Variants in C22orf39 observed in about 807,000 individuals in gnomAD.
The protein encoded by C22orf39 is synaptic plasticity regulator PANTS.
A neutral mutation model predicts 18.3 loss-of-function variants in C22orf39; 20 were observed. That is an observed-to-expected ratio of 1.09 (90% CI 0.77 to 1.59). The LOEUF (loss-of-function observed/expected upper bound fraction) is 1.59. Among genes scored for constraint, C22orf39 ranks in the 40% most tolerant of loss-of-function variants. The pLI, the probability that C22orf39 is intolerant of heterozygous loss-of-function variation, is 0.00. For missense variants in C22orf39, 195 were observed against 156.1 expected (o/e 1.25, Z -1.33); for synonymous variants, 63 against 59.6 (o/e 1.06, Z -0.26).
chr22:19,441,586 T>TG lies in C22orf39; in HGVS notation c.*2678dup. 1 of 771,154 alleles carries TG rather than the reference T, an allele frequency of 1.3e-6. No individual in the cohort carries two copies. The highest frequency in any genetic ancestry group is 2.2e-6 in the Non-Finnish European group (1 of 446,868). 47.8% of individuals were successfully genotyped at this position (771,154 alleles called of 1,614,324 possible). On this transcript the variant is annotated 3_prime_UTR_variant, in exon 3 of 3. Transcript: ENST00000399562. ...CTCTGTTGCCCAGGCTGGAGTGCAG[T>TG]GGCACGATCATAGCTGACTGCAACC...
At position 19,444,366 on chromosome 22, in the gene C22orf39, C is replaced by T; in HGVS notation, c.217G>A (p.Ala73Thr). 1 of 1,601,152 alleles carries T rather than the reference C, an allele frequency of 6.2e-7. No homozygotes were observed. Among genetic ancestry groups the T allele is most frequent in the Non-Finnish European group, 8.5e-7 (1 of 1,175,636 alleles). Reference protein sequence around the residue: ...AQQSLCESERARVRAARKHIL... With the variant: ...AQQSLCESERTRVRAARKHIL... ...TGCTTCCGTGCAGCCCGGACTCGTG[C>T]CCGCTCGCTCTCACAGAGGGATTGC... Residue 73 changes from alanine (A) to threonine (T), a missense_variant, in exon 3 of 3, where the codon GCA becomes ACA. Ala to Thr is a moderately conservative substitution (Grantham distance 58, BLOSUM62 0). Coordinates refer to ENST00000399562, the MANE Select transcript of C22orf39 (RefSeq NM_173793.5).
intron 2 of C22orf39, among the ~76,000 whole-genome samples, chr22:19,445,066 T>A (rs536591775): frequency 6.6e-6 from 1 of 152,322 alleles, no homozygotes; most frequent in South Asian, 2.1e-4. Flanking sequence ...ATGTCTGTCT[T>A]TGTTCAAGCT....
chr22:19,447,671 G>T lies in C22orf39; in HGVS notation c.18C>A (p.Gly6=). Residue 6 remains glycine, a synonymous_variant, in exon 1 of 3, where the codon GGC becomes GGA. Transcript: ENST00000399562. ...TCCGACCCAGCACACTCACCTGCCA[G>T]CCGCTGCCGTCCGCCATGTCTGGGC... The part of the protein sequence containing the change: MADGS[G]WQPPRPCEAY... 1 of 1,611,060 alleles carries T rather than the reference G, an allele frequency of 6.2e-7. No homozygotes were observed. Among genetic ancestry groups the T allele is most frequent in the Admixed American group, 1.7e-5 (1 of 59,922 alleles).
At chr22:19,445,883 A>C (rs2089636839) in intron 2 of C22orf39, among the ~76,000 whole-genome samples, 1 of 152,126 alleles carries the variant, frequency 6.6e-6, no homozygotes, top group South Asian at 2.1e-4. Flanking sequence ...CCATGTTGCC[A>C]GGCTGGTCTC....
chr22:19,447,649 G>T lies in C22orf39; in HGVS notation c.24+16C>A, dbSNP rs772402299. The stretch of plus-strand genomic sequence containing the variant: ...GAAGACCCCGGTGGTTCCCGGCTCC[G>T]ACCCAGCACACTCACCTGCCAGCCG... On this transcript the variant is annotated intron_variant, in intron 1 of 2. Transcript: ENST00000399562. 3.1e-6 allele frequency: 5 copies of T among 1,609,256 alleles called. No individual in the cohort carries two copies. The East Asian group carries it at 6.7e-5, about 22-fold the overall frequency.
chr22:19,445,741 C>T (rs908280505), intron 2 of C22orf39, among the ~76,000 whole-genome samples: 2 of 152,092 alleles, frequency 1.3e-5, no homozygotes, highest in Non-Finnish European at 2.9e-5. Context: ...GTGACACGAT[C>T]TCGGCTCATT....
chr22:19,441,607 C>G lies in C22orf39; in HGVS notation c.*2658G>C, dbSNP rs1474078039. The G allele has an allele frequency of 1.0e-6, 1 of 1,002,350 alleles. No individual in the cohort carries two copies. The highest frequency in any genetic ancestry group is 1.5e-6 in the Non-Finnish European group (1 of 654,576). The allele number at this position is 1,002,350 out of a possible 1,614,324, so 62.1% of individuals were successfully genotyped here. On this transcript the variant is annotated 3_prime_UTR_variant, in exon 3 of 3. Coordinates refer to ENST00000399562, the MANE Select transcript of C22orf39 (RefSeq NM_173793.5). ...GCAGTGGCACGATCATAGCTGACTG[C>G]AACCTCAAACTCCTATCCTCAAGTG...
Position 19,441,640 on chromosome 22 carries a change from TGCC to T in C22orf39, c.*2622_*2624del. 7.4e-7 allele frequency: 1 copy of T among 1,349,614 alleles called. No individual in the cohort carries two copies. The highest frequency in any genetic ancestry group is 1.0e-6 in the Non-Finnish European group (1 of 967,422). 83.6% of individuals were successfully genotyped at this position (1,349,614 alleles called of 1,614,324 possible). On this transcript the variant is annotated 3_prime_UTR_variant, in exon 3 of 3. Transcript: ENST00000399562. The stretch of plus-strand genomic sequence containing the variant: ...AACTCCTATCCTCAAGTGATTCTTC[TGCC>T]TCAGCCTCCCAAGTAGCTGAGATTA...
chr22:19,444,065 G>C lies in C22orf39; in HGVS notation c.*200C>G. ...TCTAAAGCGGTGCAATTGTCCTGCA[G>C]AACATCGCAGTGTCAGGGTATCCTG... On this transcript the variant is annotated 3_prime_UTR_variant, in exon 3 of 3. Transcript: ENST00000399562. The C allele has an allele frequency of 7.6e-7, 1 of 1,319,468 alleles. No individual in the cohort carries two copies. The highest frequency in any genetic ancestry group is 9.6e-7 in the Non-Finnish European group (1 of 1,041,010). 81.7% of individuals were successfully genotyped at this position (1,319,468 alleles called of 1,614,324 possible).
At position 19,447,600 on chromosome 22, in the gene C22orf39, AGCCAGTCCCGTTCCCTCCCTCCG is replaced by A. The variant is rs1413027971; in HGVS notation, c.24+42_25-56del. 1.1e-5 allele frequency: 18 copies of A among 1,568,622 alleles called. No individual in the cohort carries two copies. In the East Asian group the frequency reaches 4.1e-4, roughly 36 times the overall value. On this transcript the variant is annotated intron_variant, in intron 1 of 2. Transcript: ENST00000399562. ...CCCGGCGGCCGCGCCCTACGCCCCG[AGCCAGTCCCGTTCCCTCCCTCCG>A]GAAGACCCCGGTGGTTCCCGGCTCC...
In C22orf39 at chr22:19,447,647, C is replaced by G. The variant is rs201607004; in HGVS notation, c.24+18G>C. On this transcript the variant is annotated intron_variant, in intron 1 of 2. Transcript: ENST00000399562. ...CGGAAGACCCCGGTGGTTCCCGGCT[C>G]CGACCCAGCACACTCACCTGCCAGC... 1.9e-6 allele frequency: 3 copies of G among 1,609,358 alleles called. No homozygotes were observed. In the African/African-American group the frequency reaches 4.0e-5, roughly 22 times the overall value.
chr22:19,444,307 A>AG lies in C22orf39; in HGVS notation c.275dup (p.Pro93SerfsTer40), dbSNP rs56867241. The AG allele has an allele frequency of 6.2e-7, 1 of 1,601,210 alleles. No homozygotes were observed. ...GTGGCAGAGGGAGATGCCAGTCTGGAGGGGGGCTCTGCCTCGGGGCCCACA... is the reference window on the plus strand; with the variant it reads ...GTGGCAGAGGGAGATGCCAGTCTGGAGGGGGGGCTCTGCCTCGGGGCCCACA... On this transcript the variant is annotated frameshift_variant, in exon 3 of 3. Transcript: ENST00000399562. LOFTEE classifies it high-confidence loss of function.
At position 19,443,142 on chromosome 22, in the gene C22orf39, C is replaced by A; in HGVS notation, c.*1123G>T. The A allele has an allele frequency of 1.0e-6, 1 of 970,988 alleles. No individual in the cohort carries two copies. 60.1% of individuals were successfully genotyped at this position (970,988 alleles called of 1,614,324 possible). A position where few individuals can be genotyped will look rare whatever the true frequency, so the allele number is the denominator to read the frequency against. On this transcript the variant is annotated 3_prime_UTR_variant, in exon 3 of 3. Transcript: ENST00000399562. ...CTCTTAGGGAGCACAGGAGAAAACA[C>A]ACTCAAGCAGGGAAATACTGTTCTT...
At chr22:19,445,562 T>C (rs1223252375) in intron 2 of C22orf39, among the ~76,000 whole-genome samples, 2 of 152,188 alleles carry the variant, frequency 1.3e-5, no homozygotes, top group Non-Finnish European at 1.5e-5. Flanking sequence ...TCAGAACACC[T>C]GACACCCCCA....
intron 2 of C22orf39, among the ~76,000 whole-genome samples, chr22:19,447,160 ACACC>A (rs1028899895): frequency 2.1e-5 from 1 of 47,148 alleles, no homozygotes; most frequent in African/African-American, 7.3e-5. Flanking sequence ...AAACCACTCT[ACACC>A]CCCTCCTCGC....
chr22:19,444,496 C>G, intron 2 of C22orf39, 106 bp from the exon 3 acceptor site: 2 of 1,208,294 alleles, frequency 1.7e-6, no homozygotes, highest in Non-Finnish European at 2.3e-6. Context: ...CAGGCAGGGC[C>G]TATGGTACAC....
chr22:19,443,363 A>G lies in C22orf39; in HGVS notation c.*902T>C, dbSNP rs1412257297. 4 of 985,542 alleles carry G rather than the reference A, an allele frequency of 4.1e-6. No individual in the cohort carries two copies. In the African/African-American group the frequency reaches 7.0e-5, roughly 17 times the overall value. The allele number at this position is 985,542 out of a possible 1,614,324, so 61.0% of individuals were successfully genotyped here. A position where few individuals can be genotyped will look rare whatever the true frequency, so the allele number is the denominator to read the frequency against. The stretch of plus-strand genomic sequence containing the variant: ...TTAGTAATAAACAGACCTCTTCAAG[A>G]AATAGTGTTTTTGGTGGTTCATACA... On this transcript the variant is annotated 3_prime_UTR_variant, in exon 3 of 3. Transcript: ENST00000399562.
chr22:19,446,271 A>C (rs2089638912), intron 2 of C22orf39, among the ~76,000 whole-genome samples: 1 of 152,186 alleles, frequency 6.6e-6, no homozygotes, highest in East Asian at 1.9e-4. Flanking sequence ...CTTGCTATAT[A>C]AGCTGTCAGC....
Position 19,447,697 on chromosome 22 carries a change from GA to G in C22orf39, c.-10del, listed in dbSNP as rs1569323439. 10 of 1,608,522 alleles carry G rather than the reference GA, an allele frequency of 6.2e-6. No individual in the cohort carries two copies. Among genetic ancestry groups the G allele is most frequent in the Non-Finnish European group, 7.6e-6 (9 of 1,178,054 alleles). ...CCGCTGCCGTCCGCCATGTCTGGGC[GA>G]CCGGCGCGCCAAGCCCGCCCCTCAG... is the stretch of plus-strand genomic sequence containing the variant. On this transcript the variant is annotated 5_prime_UTR_variant, in exon 1 of 3. Coordinates refer to ENST00000399562, the MANE Select transcript of C22orf39 (RefSeq NM_173793.5).
Sources: allele counts gnomAD v4.1 joint callset (sites outside exome capture counted in the v4.1 genomes callset), GRCh38; gene constraint gnomAD v4.1.1; transcripts MANE v1.5; gene names NCBI Gene and HGNC (gene_info 2026-07-23, HGNC 2026-07-21).